SIPA1L3: variants seen among roughly 807,000 people sequenced by gnomAD.
SIPA1L3 encodes the protein signal-induced proliferation-associated 1-like protein 3.
SIPA1L3 carries 59 observed loss-of-function variants against 150.1 expected under a neutral mutation model. The observed-to-expected ratio is 0.39, with a 90% CI of 0.32 to 0.49. The LOEUF (loss-of-function observed/expected upper bound fraction) is 0.49. SIPA1L3 is among the 20% of genes least tolerant of loss of function. The probability of loss-of-function intolerance (pLI) is 0.86; values close to 1 mark genes in which losing one functional copy is unlikely to be tolerated. For missense variants in SIPA1L3, 2,211 were observed against 2,489.5 expected (o/e 0.89, Z 2.38); for synonymous variants, 1,070 against 1,077.6 (o/e 0.99, Z 0.14).
At position 38,060,852 on chromosome 19, in the gene SIPA1L3, C is replaced by T. The variant is rs529415121; in HGVS notation, c.-310-20404C>T. Among the ~76,000 whole-genome samples the T allele has an allele frequency of 2.7e-3, 405 of 152,174 alleles. 3 individuals carry two copies. Among genetic ancestry groups the T allele is most frequent in the African/African-American group, 9.3e-3 (386 of 41,500 alleles). ...GATTACAGGGGTGTGCCACCACACC[C>T]AGCTAATTTTTGTATTTTTAGTAGA... On this transcript the variant is annotated intron_variant, in intron 2 of 21. Transcript: ENST00000222345.
At chr19:38,048,934 T>G (rs964755231) in intron 2 of SIPA1L3, among the ~76,000 whole-genome samples, 3 of 151,932 alleles carry the variant, frequency 2.0e-5, no homozygotes, top group Admixed American at 1.3e-4. Context: ...AATACAAAAA[T>G]TAGCTGGGTG....
chr19:38,129,042 C>T (rs982234890), intron 9 of SIPA1L3, among the ~76,000 whole-genome samples: 3 of 152,130 alleles, frequency 2.0e-5, no homozygotes, highest in Non-Finnish European at 4.4e-5. Flanking sequence ...CTTTCCATAA[C>T]GCAGTTTTAG....
intron 12 of SIPA1L3, among the ~76,000 whole-genome samples, chr19:38,148,588 T>G (rs1971750620): frequency 6.6e-6 from 1 of 152,194 alleles, no homozygotes; most frequent in African/African-American, 2.4e-5. Context: ...CATCCTGTCA[T>G]TCACCTGTCT....
At chr19:37,916,442 G>A (rs1250174048) in intron 1 of SIPA1L3, among the ~76,000 whole-genome samples, 1 of 147,120 alleles carries the variant, frequency 6.8e-6, no homozygotes, top group Non-Finnish European at 1.5e-5. Flanking sequence ...ACCACACCTT[G>A]AGCCCAGGAG....
intron 1 of SIPA1L3, among the ~76,000 whole-genome samples, chr19:37,956,899 A>G (rs2046816437): frequency 6.6e-6 from 1 of 152,142 alleles, no homozygotes; most frequent in South Asian, 2.1e-4. Context: ...TTCTTCTTTC[A>G]TGTTTTCTCC....
intron 13 of SIPA1L3, among the ~76,000 whole-genome samples, chr19:38,153,357 T>A (rs1186297340): frequency 1.3e-5 from 2 of 152,196 alleles, no homozygotes; most frequent in African/African-American, 4.8e-5. Context: ...TCAACTTTTA[T>A]GGACATACGG....
At position 38,082,893 on chromosome 19, in the gene SIPA1L3, G is replaced by T. The variant is rs1277553474; in HGVS notation, c.1328G>T (p.Ser443Ile). The T allele has an allele frequency of 6.2e-7, 1 of 1,613,290 alleles. No homozygotes were observed. Among genetic ancestry groups the T allele is most frequent in the Non-Finnish European group, 8.5e-7 (1 of 1,179,908 alleles). Residue 443 changes from serine to isoleucine, a missense_variant, in exon 3 of 22, where the codon AGC (serine) becomes ATC (isoleucine). This residue lies in a region of SIPA1L3 where 587 missense variants were observed against 534.5 expected (regional missense o/e 1.10). Transcript: ENST00000222345. ...EIGGECERNV[S>I]FSRASVGSPS... ...GGGGGCGAGTGTGAGCGCAACGTGA[G>T]CTTCTCCCGGGCTTCCGTGGGCTCC... is the stretch of plus-strand genomic sequence containing the variant.
At position 38,056,936 on chromosome 19, in the gene SIPA1L3, G is replaced by A. The variant is rs1969330331; in HGVS notation, c.-310-24320G>A. Among the ~76,000 whole-genome samples, 2 of 152,014 alleles carry A rather than the reference G, an allele frequency of 1.3e-5. 1 individual carries two copies. The highest frequency in any genetic ancestry group is 4.1e-4 in the South Asian group (2 of 4,824). On this transcript the variant is annotated intron_variant, in intron 2 of 21. Transcript: ENST00000222345. ...TAGTCAGGCATGGTGGTACACACCT[G>A]TATTCTCAGCTACTGACAGAATGAG...
intron 8 of SIPA1L3, among the ~76,000 whole-genome samples, chr19:38,112,097 C>T (rs705506): frequency 2.7e-5 from 4 of 147,818 alleles, no homozygotes; most frequent in Non-Finnish European, 6.0e-5. Flanking sequence ...ATGCACACAC[C>T]TACATGCACA....
intron 2 of SIPA1L3, among the ~76,000 whole-genome samples, chr19:38,053,594 T>TC (rs1969249253): frequency 6.6e-6 from 1 of 152,028 alleles, no homozygotes; most frequent in Non-Finnish European, 1.5e-5. Flanking sequence ...TCTCGCTGTG[T>TC]CACCCAGGCT....
intron 4 of SIPA1L3, among the ~76,000 whole-genome samples, chr19:38,092,666 C>T (rs1002218693): frequency 6.6e-6 from 1 of 152,132 alleles, no homozygotes; most frequent in Non-Finnish European, 1.5e-5. Context: ...TTCCCCCGTC[C>T]CAGCTCTATG....
chr19:37,910,516 G>A (rs1202752600), intron 1 of SIPA1L3, among the ~76,000 whole-genome samples: 2 of 148,834 alleles, frequency 1.3e-5, no homozygotes, highest in African/African-American at 5.0e-5. Context: ...GTGACAGAGT[G>A]AGACCCTGTC....
chr19:38,192,493 C>T (rs1475736191), intron 17 of SIPA1L3, among the ~76,000 whole-genome samples, 183 bp downstream of exon 17: 1 of 152,204 alleles, frequency 6.6e-6, no homozygotes, highest in Non-Finnish European at 1.5e-5. Context: ...GTGAGGGCAG[C>T]GCATTGGTCT....
intron 1 of SIPA1L3, among the ~76,000 whole-genome samples, chr19:37,975,125 G>A (rs903114289): frequency 1.3e-5 from 2 of 152,198 alleles, no homozygotes; most frequent in Admixed American, 6.5e-5. Flanking sequence ...AATCCCGGCC[G>A]TCGTGGAACT....
rs1973254705 is a variant in SIPA1L3, at chr19:38,207,779, T to TGTGGATGG, written c.*1544_*1551dup. ...GGACGCAGGCACTCGGAGGTGCCGG[T>TGTGGATGG]GTGGATGGGTGGGGGTGAGAGAAGA... On this transcript the variant is annotated 3_prime_UTR_variant, in exon 22 of 22. Coordinates refer to ENST00000222345, the MANE Select transcript of SIPA1L3 (RefSeq NM_015073.3). 6.6e-6 allele frequency: 1 copy of TGTGGATGG among 152,264 alleles called. No individual in the cohort carries two copies. The highest frequency in any genetic ancestry group is 1.5e-5 in the Non-Finnish European group (1 of 68,102). 9.4% of individuals were successfully genotyped at this position (152,264 alleles called of 1,614,324 possible). A position where few individuals can be genotyped will look rare whatever the true frequency, so the allele number is the denominator to read the frequency against.
intron 1 of SIPA1L3, among the ~76,000 whole-genome samples, chr19:37,920,759 T>C (rs931788415): frequency 3.9e-5 from 6 of 152,212 alleles, no homozygotes; most frequent in African/African-American, 1.4e-4. Context: ...GCCCAAGGCT[T>C]TGGAAGCCCC....
rs561742926 is a variant in SIPA1L3, at chr19:37,991,234, AAAAG to A, written c.-378-37834_-378-37831del. Among the ~76,000 whole-genome samples, 90 of 152,282 alleles carry A rather than the reference AAAAG, an allele frequency of 5.9e-4. 1 individual carries two copies. The highest frequency in any genetic ancestry group is 2.3e-3 in the South Asian group (11 of 4,824). On this transcript the variant is annotated intron_variant, in intron 1 of 21. Coordinates refer to ENST00000222345, the MANE Select transcript of SIPA1L3 (RefSeq NM_015073.3). The stretch of plus-strand genomic sequence containing the variant: ...GCAACAGAGCAAGACTCTGTCTCAA[AAAAG>A]AAAGAAAGAAAGAAAGAAAGTGCTT...
At chr19:37,914,585 C>T (rs2046401426) in intron 1 of SIPA1L3, among the ~76,000 whole-genome samples, 1 of 152,016 alleles carries the variant, frequency 6.6e-6, no homozygotes, top group South Asian at 2.1e-4. Flanking sequence ...CCATGTTGGC[C>T]AGGGTGGTCT....
intron 15 of SIPA1L3, among the ~76,000 whole-genome samples, chr19:38,176,406 T>G (rs1023435463): frequency 3.9e-5 from 6 of 152,002 alleles, no homozygotes; most frequent in Non-Finnish European, 7.4e-5. Flanking sequence ...TGCTTGTTTT[T>G]TGTTTTTTTT....
Sources: gnomAD v4.1 joint callset for allele counts (sites outside exome capture counted in the v4.1 genomes callset) on GRCh38, gnomAD v4.1.1 for gene constraint, gnomAD v4.1.1 regional missense constraint, MANE v1.5 for transcripts, NCBI Gene and HGNC (gene_info 2026-07-23, HGNC 2026-07-21) for gene names.